Variants in ATXN1 observed in about 807,000 individuals in gnomAD.
The protein encoded by ATXN1 is ataxin-1.
A neutral mutation model predicts 56.4 loss-of-function variants in ATXN1; 8 were observed. The ratio of observed to expected loss-of-function variants is 0.14; its 90% confidence interval spans 0.08 to 0.26. The LOEUF (loss-of-function observed/expected upper bound fraction) is 0.26, where lower values mean the gene tolerates loss of function less well. Among genes scored for constraint, ATXN1 ranks in the 10% least tolerant of loss-of-function variants. The pLI, the probability that ATXN1 is intolerant of heterozygous loss-of-function variation, is 1.00. For missense variants in ATXN1, 987 were observed against 1,106.5 expected, an observed-to-expected ratio of 0.89 and a Z score of 1.53; for synonymous variants, 514 against 494.6, an observed-to-expected ratio of 1.04 and a Z score of -0.52.
intron 3 of ATXN1, among the ~76,000 whole-genome samples, chr6:16,625,110 C>G (rs1354026358): frequency 6.6e-6 from 1 of 152,176 alleles, no homozygotes; most frequent in Non-Finnish European, 1.5e-5. Flanking sequence ...GAAAAATCTT[C>G]CCACTCCCAC....
intron 6 of ATXN1, among the ~76,000 whole-genome samples, chr6:16,349,166 T>C (rs1420978664): frequency 6.6e-6 from 1 of 152,180 alleles, no homozygotes; most frequent in Non-Finnish European, 1.5e-5. Flanking sequence ...AAGGCCCTCT[T>C]CTCTACCTCC....
chr6:16,432,343 C>T lies in ATXN1; in HGVS notation c.-161+53629G>A, dbSNP rs569806129. Among the ~76,000 whole-genome samples, 59 of 152,252 alleles carry T rather than the reference C, an allele frequency of 3.9e-4. 1 individual carries two copies. The highest frequency in any genetic ancestry group is 2.1e-3 in the South Asian group (10 of 4,824). On this transcript the variant is annotated intron_variant, in intron 6 of 7. Coordinates refer to ENST00000436367, the MANE Select transcript of ATXN1 (RefSeq NM_001128164.2). ...GCTGAGAATATCATCATGAAATCAA[C>T]GAGGATATGCAAATCTCTCTGTTCC...
At chr6:16,655,434 G>A (rs1758177906) in intron 3 of ATXN1, among the ~76,000 whole-genome samples, 1 of 152,120 alleles carries the variant, frequency 6.6e-6, no homozygotes, top group Non-Finnish European at 1.5e-5. Flanking sequence ...GATGATTCCT[G>A]CCCTGAAGCT....
At chr6:16,576,843 A>G (rs1384773211) in intron 4 of ATXN1, among the ~76,000 whole-genome samples, 2 of 152,202 alleles carry the variant, frequency 1.3e-5, no homozygotes, top group African/African-American at 2.4e-5. Flanking sequence ...CCGAGCATGC[A>G]TGGAGTATAC....
intron 3 of ATXN1, among the ~76,000 whole-genome samples, chr6:16,639,476 G>A (rs1763666182): frequency 3.3e-5 from 5 of 152,084 alleles, no homozygotes; most frequent in Admixed American, 2.6e-4. Context: ...ACCACACCCG[G>A]CTAATTTTGT....
intron 3 of ATXN1, among the ~76,000 whole-genome samples, chr6:16,618,177 A>C (rs1763254434): frequency 3.3e-5 from 5 of 152,116 alleles, no homozygotes; most frequent in Non-Finnish European, 1.5e-5. Flanking sequence ...AAAACCAAAC[A>C]CCGCATGTTC....
chr6:16,755,144 T>C (rs1446980928), intron 1 of ATXN1, among the ~76,000 whole-genome samples: 1 of 152,234 alleles, frequency 6.6e-6, no homozygotes, highest in Non-Finnish European at 1.5e-5. Flanking sequence ...CCTAGTTTGC[T>C]GAAGTGCAGA....
chr6:16,724,538 A>C (rs1438999785), intron 2 of ATXN1, among the ~76,000 whole-genome samples: 1 of 152,262 alleles, frequency 6.6e-6, no homozygotes, highest in South Asian at 2.1e-4. Context: ...AGGGTGAAAA[A>C]CAGCCACTGG....
intron 5 of ATXN1, among the ~76,000 whole-genome samples, chr6:16,509,603 T>C (rs115954477): frequency 1.2e-3 from 189 of 152,268 alleles, no homozygotes; most frequent in African/African-American, 4.4e-3. Flanking sequence ...ATTTTCCCCA[T>C]TGCTAAGAGT....
intron 6 of ATXN1, among the ~76,000 whole-genome samples, chr6:16,465,287 T>A (rs1320203923): frequency 6.6e-6 from 1 of 152,102 alleles, no homozygotes; most frequent in Non-Finnish European, 1.5e-5. Context: ...TGAAACCCCG[T>A]CTCTACTAAA....
At chr6:16,638,064 A>T (rs1169119887) in intron 3 of ATXN1, among the ~76,000 whole-genome samples, 1 of 152,126 alleles carries the variant, frequency 6.6e-6, no homozygotes, top group African/African-American at 2.4e-5. Flanking sequence ...ATTCATAATC[A>T]GGGGTGGATC....
At chr6:16,355,476 G>GTA (rs1222956308) in intron 6 of ATXN1, among the ~76,000 whole-genome samples, 19 of 152,306 alleles carry the variant, frequency 1.2e-4, no homozygotes, top group African/African-American at 4.3e-4. Context: ...GAGCTTGGTG[G>GTA]GGGAGGAGAA....
chr6:16,679,131 G>C (rs954462880), intron 2 of ATXN1, among the ~76,000 whole-genome samples: 1 of 151,562 alleles, frequency 6.6e-6, no homozygotes, highest in Non-Finnish European at 1.5e-5. Context: ...TGGACAAATA[G>C]ATAGATGGAT....
At chr6:16,316,561 A>G (rs1333832925) in intron 7 of ATXN1, among the ~76,000 whole-genome samples, 1 of 152,112 alleles carries the variant, frequency 6.6e-6, no homozygotes, top group Non-Finnish European at 1.5e-5. Flanking sequence ...CCTGACCAAC[A>G]TGGTGAAACC....
chr6:16,640,651 C>T (rs1219692532), intron 3 of ATXN1, among the ~76,000 whole-genome samples: 1 of 149,498 alleles, frequency 6.7e-6, no homozygotes, highest in Non-Finnish European at 1.5e-5. Flanking sequence ...CCACTGCACT[C>T]AAGCCTGGGT....
intron 6 of ATXN1, among the ~76,000 whole-genome samples, chr6:16,347,263 T>C (rs6916034): frequency 0.31 from 47,531 of 152,248 alleles, 11,507 homozygotes; most frequent in East Asian, 0.82. Context: ...CTACTGCCTC[T>C]GTGAAGATCC....
chr6:16,412,957 C>T (rs1378926214), intron 6 of ATXN1, among the ~76,000 whole-genome samples: 1 of 152,126 alleles, frequency 6.6e-6, no homozygotes, highest in African/African-American at 2.4e-5. Flanking sequence ...TGAGGGCTGG[C>T]CACAGCAAGA....
intron 3 of ATXN1, among the ~76,000 whole-genome samples, chr6:16,626,646 G>A (rs761767373): frequency 3.9e-5 from 6 of 152,146 alleles, no homozygotes; most frequent in Non-Finnish European, 8.8e-5. Context: ...TATGGATACT[G>A]TTACTGGCTG....
intron 2 of ATXN1, among the ~76,000 whole-genome samples, chr6:16,694,661 A>G (rs1247595690): frequency 6.6e-6 from 1 of 152,220 alleles, no homozygotes; most frequent in African/African-American, 2.4e-5. Context: ...TAAGGACTAC[A>G]TTTCAGAGCT....
Sources: gnomAD v4.1 joint callset for allele counts (sites outside exome capture counted in the v4.1 genomes callset) on GRCh38, gnomAD v4.1.1 for gene constraint, MANE v1.5 for transcripts, NCBI Gene and HGNC (gene_info 2026-07-23, HGNC 2026-07-21) for gene names.